Variants in AKT3 observed in about 807,000 individuals in gnomAD.
AKT3 encodes RAC-gamma serine/threonine-protein kinase.
Under a neutral mutation model 65.3 loss-of-function variants are expected in AKT3, and 15 were observed. The observed-to-expected ratio is 0.23, with a 90% CI of 0.15 to 0.35. AKT3 has a LOEUF of 0.35. Ranked by LOEUF, AKT3 falls within the 10% of genes least tolerant of loss-of-function variation. The pLI, the probability that AKT3 is intolerant of heterozygous loss-of-function variation, is 1.00. For missense variants in AKT3, 243 were observed against 576.5 expected (o/e 0.42, Z 5.92); for synonymous variants, 206 against 183.8 (o/e 1.12, Z -0.98).
intron 2 of AKT3, among the ~76,000 whole-genome samples, chr1:243,702,221 G>A (rs1391090905): frequency 6.6e-6 from 1 of 151,826 alleles, no homozygotes; most frequent in Admixed American, 6.6e-5. Flanking sequence ...GTAACAAAAG[G>A]TACAACAAAT....
At chr1:243,787,989 C>T (rs569632959) in intron 2 of AKT3, among the ~76,000 whole-genome samples, 3 of 152,290 alleles carry the variant, frequency 2.0e-5, no homozygotes, top group South Asian at 4.2e-4. Context: ...CTTGGAAAAC[C>T]TTGCAACATA....
intron 8 of AKT3, among the ~76,000 whole-genome samples, chr1:243,603,154 G>A (rs143937213): frequency 3.5e-4 from 53 of 152,276 alleles, no homozygotes; most frequent in African/African-American, 1.1e-3. Context: ...TTATTAGAGA[G>A]ATTTTACAAT....
chr1:243,778,908 A>G (rs1029350908), intron 2 of AKT3, among the ~76,000 whole-genome samples: 4 of 146,642 alleles, frequency 2.7e-5, no homozygotes, highest in African/African-American at 1.0e-4. Flanking sequence ...TATAAATACT[A>G]TTCTTCCGAT....
intron 10 of AKT3, among the ~76,000 whole-genome samples, chr1:243,555,494 C>T (rs942585831): frequency 1.3e-5 from 2 of 152,138 alleles, no homozygotes; most frequent in African/African-American, 4.8e-5. Flanking sequence ...ACCTCTTTCA[C>T]ATTATTTTAA....
At chr1:243,713,234 A>G (rs1686268786) in intron 2 of AKT3, among the ~76,000 whole-genome samples, 2 of 152,236 alleles carry the variant, frequency 1.3e-5, no homozygotes, top group Non-Finnish European at 2.9e-5. Flanking sequence ...CACACCTAAC[A>G]TTAGCCAAAC....
intron 8 of AKT3, among the ~76,000 whole-genome samples, chr1:243,591,621 C>T (rs532535930): frequency 6.0e-5 from 9 of 151,170 alleles, no homozygotes; most frequent in African/African-American, 1.9e-4. Flanking sequence ...TATAATTACA[C>T]GAATACCATA....
intron 6 of AKT3, among the ~76,000 whole-genome samples, chr1:243,626,033 T>C (rs749152178): frequency 3.9e-5 from 6 of 152,236 alleles, no homozygotes; most frequent in Non-Finnish European, 8.8e-5. Context: ...CAAACCATGC[T>C]GGATTAACTT....
intron 8 of AKT3, among the ~76,000 whole-genome samples, chr1:243,603,068 T>C (rs1677132294): frequency 6.6e-6 from 1 of 152,220 alleles, no homozygotes; most frequent in Admixed American, 6.5e-5. Context: ...ATTTTTCTGC[T>C]TCTCATGTAA....
rs1369635624 is a variant in AKT3, at chr1:243,527,912, CACACACACACACACACACACACACAG to C, written c.1252-15512_1252-15487del. ...ACACACACACACACACACACACACA[CACACACACACACACACACACACACAG>C]AGAGAGAGAGAGAGAGAGAGAATTT... On this transcript the variant is annotated intron_variant, in intron 12 of 13. Coordinates refer to ENST00000673466, the MANE Select transcript of AKT3 (RefSeq NM_005465.7). Among the ~76,000 whole-genome samples the C allele has an allele frequency of 5.1e-3, 525 of 103,782 alleles. 9 individuals carry two copies. The highest frequency in any genetic ancestry group is 0.021 in the East Asian group (56 of 2,718). 68.1% of individuals were successfully genotyped at this position (103,782 alleles called of 152,430 possible). A position where few individuals can be genotyped will look rare whatever the true frequency, so the allele number is the denominator to read the frequency against.
chr1:243,594,224 A>C (rs1676441756), intron 8 of AKT3, among the ~76,000 whole-genome samples: 1 of 152,250 alleles, frequency 6.6e-6, no homozygotes, highest in Non-Finnish European at 1.5e-5. Context: ...ACAAACCTAT[A>C]CACTAAAACT....
chr1:243,531,148 T>C (rs1264360053), intron 12 of AKT3, among the ~76,000 whole-genome samples: 3 of 152,172 alleles, frequency 2.0e-5, no homozygotes, highest in East Asian at 3.8e-4. Flanking sequence ...TGGAGAGCAG[T>C]AGTGTGATCA....
intron 4 of AKT3, among the ~76,000 whole-genome samples, chr1:243,662,709 TAATA>T (rs1018945987): frequency 5.3e-5 from 8 of 150,366 alleles, no homozygotes; most frequent in African/African-American, 1.9e-4. Context: ...AGTATAATAA[TAATA>T]AATAAAATAA....
intron 2 of AKT3, among the ~76,000 whole-genome samples, chr1:243,698,913 CA>C (rs536512566): frequency 0.075 from 8,627 of 115,352 alleles, 742 homozygotes; most frequent in African/African-American, 0.23. Flanking sequence ...GAGGCTGGAC[CA>C]AAAAAAAAAA....
At chr1:243,637,990 A>T (rs1680099195) in intron 5 of AKT3, among the ~76,000 whole-genome samples, 1 of 152,132 alleles carries the variant, frequency 6.6e-6, no homozygotes, top group Non-Finnish European at 1.5e-5. Context: ...CGAAATTATC[A>T]GTTGTGTAAA....
intron 12 of AKT3, among the ~76,000 whole-genome samples, chr1:243,540,847 C>A (rs893343108): frequency 6.6e-6 from 1 of 152,122 alleles, no homozygotes; most frequent in Admixed American, 6.5e-5. Flanking sequence ...AGGAATGTCC[C>A]TCCCTGTGAG....
chr1:243,737,470 A>T (rs1687909810), intron 2 of AKT3, among the ~76,000 whole-genome samples: 1 of 152,094 alleles, frequency 6.6e-6, no homozygotes, highest in Admixed American at 6.6e-5. Context: ...AGCATTTATC[A>T]AAGTGTGGGT....
intron 2 of AKT3, among the ~76,000 whole-genome samples, chr1:243,828,369 A>C (rs745830965): frequency 2.0e-5 from 3 of 152,160 alleles, no homozygotes; most frequent in Non-Finnish European, 4.4e-5. Context: ...ACACTAATAA[A>C]TGGCAAAGCC....
chr1:243,615,377 A>G (rs956316977), intron 6 of AKT3, among the ~76,000 whole-genome samples: 4 of 152,202 alleles, frequency 2.6e-5, no homozygotes, highest in Non-Finnish European at 5.9e-5. Context: ...AAGTTCATAT[A>G]AATTCACTCA....
At chr1:243,593,648 C>T (rs1303886860) in intron 8 of AKT3, among the ~76,000 whole-genome samples, 5 of 152,094 alleles carry the variant, frequency 3.3e-5, no homozygotes, top group African/African-American at 4.8e-5. Flanking sequence ...GCTGAGATCA[C>T]GCCACTGCAC....
Sources: allele counts gnomAD v4.1 joint callset (sites outside exome capture counted in the v4.1 genomes callset), GRCh38; gene constraint gnomAD v4.1.1; transcripts MANE v1.5; gene names NCBI Gene and HGNC (gene_info 2026-07-23, HGNC 2026-07-21).